NRXN1: variants seen among roughly 807,000 people sequenced by gnomAD.
NRXN1 encodes neurexin 1.
Under a neutral mutation model 150.9 loss-of-function variants are expected in NRXN1, and 39 were observed. The ratio of observed to expected loss-of-function variants is 0.26; its 90% CI spans 0.20 to 0.34. The LOEUF (loss-of-function observed/expected upper bound fraction) is 0.34, where lower values mean the gene tolerates loss of function less well. Among genes scored for constraint, NRXN1 ranks in the 10% least tolerant of loss-of-function variants. NRXN1 has a pLI of 1.00. For missense variants in NRXN1, 1,815 were observed against 1,949.9 expected (o/e 0.93, Z 1.30); for synonymous variants, 924 against 757.0 (o/e 1.22, Z -3.62).
At chr2:50,236,235 G>A (rs915439316) in intron 18 of NRXN1, among the ~76,000 whole-genome samples, 15 of 152,080 alleles carry the variant, frequency 9.9e-5, no homozygotes, top group African/African-American at 3.4e-4. Context: ...GAATTAAAAT[G>A]TATTTTCCTG....
Position 50,085,811 on chromosome 2 carries a change from C to T in NRXN1, c.3718+5512G>A, listed in dbSNP as rs112385553. 1.1e-3 allele frequency among the ~76,000 whole-genome samples: 173 copies of T among 151,920 alleles called. 1 individual carries two copies. Among genetic ancestry groups the T allele is most frequent in the African/African-American group, 3.9e-3 (162 of 41,340 alleles). On this transcript the variant is annotated intron_variant, in intron 19 of 22. Coordinates refer to ENST00000401669, the MANE Select transcript of NRXN1 (RefSeq NM_001330078.2). ...CAGCAGAAATAGCAGACTGTGACAT[C>T]GACTGATACAGTTAGGATCAATCAT...
Position 50,458,475 on chromosome 2 carries a change from T to G in NRXN1, c.3364+6967A>C, listed in dbSNP as rs542360485. ...CCAACAAAAATAAGTGATAAATATT[T>G]TAAATGATGGATACCCAATTACCCA... On this transcript the variant is annotated intron_variant, in intron 17 of 22. Transcript: ENST00000401669. Among the ~76,000 whole-genome samples the G allele has an allele frequency of 3.7e-4, 57 of 152,302 alleles. 1 individual carries two copies. Among genetic ancestry groups the G allele is most frequent in the African/African-American group, 1.3e-3 (54 of 41,562 alleles).
intron 2 of NRXN1, among the ~76,000 whole-genome samples, chr2:50,932,185 C>T (rs1156846318): frequency 4.6e-5 from 7 of 151,878 alleles, no homozygotes; most frequent in Admixed American, 1.3e-4. Flanking sequence ...GTCAGGAGTT[C>T]GAGACTAGCC....
At position 50,871,900 on chromosome 2, in the gene NRXN1, T is replaced by C. The variant is rs140842261; in HGVS notation, c.832+49969A>G. 5.0e-3 allele frequency among the ~76,000 whole-genome samples: 762 copies of C among 151,996 alleles called. 6 individuals are homozygous for C. Among genetic ancestry groups the C allele is most frequent in the African/African-American group, 0.017 (725 of 41,542 alleles). On this transcript the variant is annotated intron_variant, in intron 5 of 22. Coordinates refer to ENST00000401669, the MANE Select transcript of NRXN1 (RefSeq NM_001330078.2). ...GTATTTTAAAGCCCTTGGTATATAA[T>C]GTTCCTGTTCAGTGAAGAACTCCAT...
In NRXN1 at chr2:50,472,557, T is replaced by A. The variant is rs1573122201; in HGVS notation, c.3071-86A>T. ...TAGGATGGAGAAAAAACAGGGAGGTTTATTTTTCATTAAGTTAATAAAAAA... is the reference window on the plus strand; with the variant it reads ...TAGGATGGAGAAAAAACAGGGAGGTATATTTTTCATTAAGTTAATAAAAAA... On this transcript the variant is annotated intron_variant, in intron 15 of 22. Transcript: ENST00000401669. The A allele has an allele frequency of 4.0e-6, 4 of 988,634 alleles. No individual in the cohort carries two copies. In the South Asian group the frequency reaches 5.5e-5, roughly 14 times the overall value. The allele number at this position is 988,634 out of a possible 1,614,324, so 61.2% of individuals were successfully genotyped here.
At chr2:50,345,787 T>A (rs759422800) in intron 17 of NRXN1, among the ~76,000 whole-genome samples, 47 of 152,288 alleles carry the variant, frequency 3.1e-4, no homozygotes, top group Non-Finnish European at 4.9e-4. Flanking sequence ...AGCTCTAACT[T>A]CTTCTCCAGG....
intron 18 of NRXN1, among the ~76,000 whole-genome samples, chr2:50,224,489 C>T (rs1489018444): frequency 6.6e-6 from 1 of 151,786 alleles, no homozygotes; most frequent in Non-Finnish European, 1.5e-5. Context: ...CTGACTAAGC[C>T]AAATAATAGG....
At chr2:50,946,213 AAAT>A (rs1166634169) in intron 2 of NRXN1, among the ~76,000 whole-genome samples, 2 of 152,092 alleles carry the variant, frequency 1.3e-5, no homozygotes, top group African/African-American at 2.4e-5. Flanking sequence ...GTAAGTTTGG[AAAT>A]GCTGCATACG....
chr2:50,003,946 C>T (rs142687451), intron 21 of NRXN1, among the ~76,000 whole-genome samples: 1 of 152,112 alleles, frequency 6.6e-6, no homozygotes, highest in East Asian at 1.9e-4. Flanking sequence ...TATTTCCTGA[C>T]AATGAAATCT....
chr2:50,803,885 T>C (rs1422689496), intron 5 of NRXN1, among the ~76,000 whole-genome samples: 1 of 152,204 alleles, frequency 6.6e-6, no homozygotes, highest in Non-Finnish European at 1.5e-5. Context: ...TTTGATAGTT[T>C]GTTTTTCTTT....
At chr2:50,287,479 G>A (rs2072346075) in intron 17 of NRXN1, among the ~76,000 whole-genome samples, 1 of 152,046 alleles carries the variant, frequency 6.6e-6, no homozygotes. Flanking sequence ...TTAAAGGTAT[G>A]TTCTCTTCTT....
chr2:50,581,744 G>C (rs918686156), intron 8 of NRXN1, among the ~76,000 whole-genome samples: 1 of 152,124 alleles, frequency 6.6e-6, no homozygotes, highest in Non-Finnish European at 1.5e-5. Flanking sequence ...GCAGCTACCT[G>C]TTCTGGACAA....
intron 18 of NRXN1, among the ~76,000 whole-genome samples, chr2:50,168,888 C>CCTTTTCTTTCCTCCCCAACA (rs2059846666): frequency 6.6e-6 from 1 of 152,180 alleles, no homozygotes; most frequent in Non-Finnish European, 1.5e-5. Flanking sequence ...AATGCTGTAT[C>CCTTTTCTTTCCTCCCCAACA]CTTTTCTTTC....
At chr2:50,733,644 G>A (rs1698371598) in intron 5 of NRXN1, among the ~76,000 whole-genome samples, 1 of 152,028 alleles carries the variant, frequency 6.6e-6, no homozygotes, top group South Asian at 2.1e-4. Flanking sequence ...TGTTGTATAA[G>A]GACACCAATG....
chr2:50,956,191 T>C, intron 2 of NRXN1, among the ~76,000 whole-genome samples: 1 of 152,172 alleles, frequency 6.6e-6, no homozygotes. Flanking sequence ...ACATAATTTT[T>C]ATTAAAATAT....
At chr2:50,788,407 T>C (rs1323767784) in intron 5 of NRXN1, among the ~76,000 whole-genome samples, 1 of 152,054 alleles carries the variant, frequency 6.6e-6, no homozygotes, top group Non-Finnish European at 1.5e-5. Context: ...TTTTAAGCAC[T>C]TTACCAAGAG....
chr2:50,364,465 C>T (rs2079444573), intron 17 of NRXN1, among the ~76,000 whole-genome samples: 1 of 152,098 alleles, frequency 6.6e-6, no homozygotes, highest in Non-Finnish European at 1.5e-5. Context: ...CTAATATTTA[C>T]AGTAGCATAT....
chr2:50,182,276 A>G (rs1213633789), intron 18 of NRXN1, among the ~76,000 whole-genome samples: 1 of 151,978 alleles, frequency 6.6e-6, no homozygotes, highest in Non-Finnish European at 1.5e-5. Flanking sequence ...CTATTTCTAT[A>G]AGGTACATTT....
At chr2:51,025,400 T>C (rs1670280723) in intron 2 of NRXN1, among the ~76,000 whole-genome samples, 2 of 152,204 alleles carry the variant, frequency 1.3e-5, no homozygotes, top group South Asian at 2.1e-4. Context: ...TTTAACAAAT[T>C]ACTTTTTCCA....
Sources: allele counts gnomAD v4.1 joint callset (sites outside exome capture counted in the v4.1 genomes callset), GRCh38; gene constraint gnomAD v4.1.1; transcripts MANE v1.5; gene names NCBI Gene and HGNC (gene_info 2026-07-23, HGNC 2026-07-21).